SEMA3E: variants seen among roughly 807,000 people sequenced by gnomAD.
The protein encoded by SEMA3E is semaphorin-3E.
A neutral mutation model predicts 93.6 loss-of-function variants in SEMA3E; 49 were observed. The ratio of observed to expected loss-of-function variants is 0.52; its 90% CI spans 0.42 to 0.66. The LOEUF is 0.66. Ranked by LOEUF, SEMA3E falls within the 30% of genes least tolerant of loss-of-function variation. SEMA3E has a pLI of 0.00. For missense variants in SEMA3E, 906 were observed against 964.8 expected, an observed-to-expected ratio of 0.94 and a Z score of 0.81; for synonymous variants, 363 against 330.7, an observed-to-expected ratio of 1.10 and a Z score of -1.06.
At chr7:83,614,017 G>T (rs1198961988) in intron 1 of SEMA3E, among the ~76,000 whole-genome samples, 1 of 152,052 alleles carries the variant, frequency 6.6e-6, no homozygotes. Flanking sequence ...AGTACGTGAG[G>T]TTGAAAAATG....
chr7:83,460,519 C>G (rs1227497858), intron 4 of SEMA3E, among the ~76,000 whole-genome samples: 2 of 151,956 alleles, frequency 1.3e-5, no homozygotes, highest in African/African-American at 4.8e-5. Context: ...GGTGTCAGAC[C>G]ACGCAGGGAT....
chr7:83,485,255 A>G (rs1436098486), intron 2 of SEMA3E, among the ~76,000 whole-genome samples: 1 of 152,238 alleles, frequency 6.6e-6, no homozygotes, highest in East Asian at 1.9e-4. Flanking sequence ...AATACAGAGT[A>G]AATAATAGCT....
intron 4 of SEMA3E, among the ~76,000 whole-genome samples, chr7:83,465,372 G>A (rs1789730188): frequency 1.3e-5 from 2 of 152,064 alleles, no homozygotes; most frequent in African/African-American, 4.8e-5. Flanking sequence ...CTCTTCACAC[G>A]GATGCACATG....
intron 13 of SEMA3E, 118 bp from the exon 14 acceptor site, chr7:83,392,839 C>G: frequency 3.1e-6 from 3 of 959,892 alleles, no homozygotes; most frequent in Non-Finnish European, 4.9e-6. Context: ...AAATTTAATT[C>G]ACTTAAATTA....
chr7:83,452,803 A>T (rs1789392090), intron 4 of SEMA3E, among the ~76,000 whole-genome samples: 1 of 152,164 alleles, frequency 6.6e-6, no homozygotes, highest in Non-Finnish European at 1.5e-5. Flanking sequence ...TTAAAATCAC[A>T]AAAATAATAG....
intron 1 of SEMA3E, among the ~76,000 whole-genome samples, chr7:83,520,801 A>G (rs1160678234): frequency 1.3e-5 from 2 of 152,204 alleles, no homozygotes; most frequent in Admixed American, 6.5e-5. Flanking sequence ...TAGATTGTTG[A>G]TCACACTGAA....
At chr7:83,446,562 G>A (rs1789234745) in intron 4 of SEMA3E, among the ~76,000 whole-genome samples, 1 of 152,168 alleles carries the variant, frequency 6.6e-6, no homozygotes, top group African/African-American at 2.4e-5. Context: ...TGAGGATGAA[G>A]ATCAAATTGA....
intron 1 of SEMA3E, chr7:83,616,505 T>A (rs1250979472): frequency 4.4e-6 from 1 of 229,178 alleles, no homozygotes; most frequent in African/African-American, 2.4e-5. Context: ...TAAAAAAAAA[T>A]AGCGGGCAAA....
chr7:83,445,166 G>A lies in SEMA3E; in HGVS notation c.456+21316C>T, dbSNP rs532024111. ...CAACAAAGTGATAGATGCACCTTGA[G>A]TGGAAGAGTAAATGGAAGTTGAGGA... On this transcript the variant is annotated intron_variant, in intron 4 of 16. Coordinates refer to ENST00000643230, the MANE Select transcript of SEMA3E (RefSeq NM_012431.3). Among the ~76,000 whole-genome samples the A allele has an allele frequency of 4.6e-5, 7 of 152,328 alleles. No homozygotes were observed. The South Asian group carries it at 1.4e-3, about 32-fold the overall frequency.
intron 4 of SEMA3E, among the ~76,000 whole-genome samples, chr7:83,443,985 G>C (rs904142724): frequency 2.6e-5 from 4 of 151,616 alleles, no homozygotes; most frequent in Admixed American, 2.6e-4. Flanking sequence ...ACTGCTGCCA[G>C]CATTATGTTG....
At chr7:83,408,629 TA>T (rs1788373912) in intron 5 of SEMA3E, 142 bp from the exon 6 acceptor site, 2 of 1,002,696 alleles carry the variant, frequency 2.0e-6, no homozygotes, top group Non-Finnish European at 3.0e-6. Context: ...GATGGTATAG[TA>T]AGACTCCCAG....
At chr7:83,440,451 C>G (rs1186235400) in intron 4 of SEMA3E, among the ~76,000 whole-genome samples, 3 of 152,142 alleles carry the variant, frequency 2.0e-5, no homozygotes, top group Non-Finnish European at 4.4e-5. Flanking sequence ...ATATTTCTTA[C>G]TTGTTTATTG....
At chr7:83,422,717 T>A (rs1788689472) in intron 4 of SEMA3E, among the ~76,000 whole-genome samples, 1 of 152,230 alleles carries the variant, frequency 6.6e-6, no homozygotes, top group Non-Finnish European at 1.5e-5. Flanking sequence ...GAGGTTGTTT[T>A]ATCTAATGGG....
At chr7:83,418,536 T>C in intron 4 of SEMA3E, 53 bp from the exon 5 acceptor site, 1 of 1,198,126 alleles carries the variant, frequency 8.3e-7, no homozygotes, top group Middle Eastern at 1.9e-4. Context: ...TAATAATCAT[T>C]TAATTCCTTA....
rs929677622 is a variant in SEMA3E at position 83,364,740 on chromosome 7, A to G, written c.*2846T>C. 6 of 152,208 alleles carry G rather than the reference A, an allele frequency of 3.9e-5. No individual in the cohort carries two copies. The highest frequency in any genetic ancestry group is 8.8e-5 in the Non-Finnish European group (6 of 68,042). 9.4% of individuals were successfully genotyped at this position (152,208 alleles called of 1,614,324 possible). On this transcript the variant is annotated 3_prime_UTR_variant, in exon 17 of 17. Transcript: ENST00000643230. The stretch of plus-strand genomic sequence containing the variant: ...GATAGAAGAGGTCTAAAGAAGCAGG[A>G]GACCGGCCCTCGATGGAGGTGCCTC...
chr7:83,513,029 C>T lies in SEMA3E; in HGVS notation c.116-22755G>A, dbSNP rs1017419496. Reference sequence around the variant, plus strand: ...TTTATATTTTTGCAATGTAAAAGAGCGAGTATCACATCAATTATAATATGA... The same window carrying T: ...TTTATATTTTTGCAATGTAAAAGAGTGAGTATCACATCAATTATAATATGA... On this transcript the variant is annotated intron_variant, in intron 1 of 16. Coordinates refer to ENST00000643230, the MANE Select transcript of SEMA3E (RefSeq NM_012431.3). Among the ~76,000 whole-genome samples, 5 of 152,036 alleles carry T rather than the reference C, an allele frequency of 3.3e-5. No individual in the cohort carries two copies. In the East Asian group the frequency reaches 7.7e-4, roughly 23 times the overall value.
At chr7:83,452,507 G>C (rs965787516) in intron 4 of SEMA3E, among the ~76,000 whole-genome samples, 1 of 152,152 alleles carries the variant, frequency 6.6e-6, no homozygotes, top group Non-Finnish European at 1.5e-5. Context: ...TTTGCTCACA[G>C]GCAAGGTGAG....
chr7:83,434,806 C>T (rs1220631759), intron 4 of SEMA3E, among the ~76,000 whole-genome samples: 1 of 149,322 alleles, frequency 6.7e-6, no homozygotes, highest in Non-Finnish European at 1.5e-5. Flanking sequence ...CTCCGCCTCC[C>T]GGGTTCACGC....
intron 16 of SEMA3E, chr7:83,372,227 G>C (rs1270874733): frequency 2.0e-5 from 8 of 397,830 alleles, no homozygotes; most frequent in Admixed American, 4.4e-5. Context: ...GGTTTCAGGA[G>C]CACTTAGTAA....
Sources: gnomAD v4.1 joint callset for allele counts (sites outside exome capture counted in the v4.1 genomes callset) on GRCh38, gnomAD v4.1.1 for gene constraint, MANE v1.5 for transcripts, NCBI Gene and HGNC (gene_info 2026-07-23, HGNC 2026-07-21) for gene names.